ZMIZ1: variants seen among roughly 807,000 people sequenced by gnomAD.
ZMIZ1 encodes the protein zinc finger MIZ-type containing 1, also known as zinc finger MIZ domain-containing protein 1.
A neutral mutation model predicts 113.9 loss-of-function variants in ZMIZ1; 17 were observed. The ratio of observed to expected loss-of-function variants is 0.15; its 90% CI spans 0.10 to 0.22. ZMIZ1 has a LOEUF of 0.22. Among genes scored for constraint, ZMIZ1 ranks in the 10% least tolerant of loss-of-function variants. The probability of loss-of-function intolerance (pLI) is 1.00; values close to 1 mark genes in which losing one functional copy is unlikely to be tolerated. For missense variants in ZMIZ1, 1,059 were observed against 1,477.8 expected (o/e 0.72, Z 4.65); for synonymous variants, 607 against 603.1 (o/e 1.01, Z -0.09).
At chr10:79,108,115 A>G (rs904455523) in intron 1 of ZMIZ1, among the ~76,000 whole-genome samples, 1 of 151,766 alleles carries the variant, frequency 6.6e-6, no homozygotes, top group Non-Finnish European at 1.5e-5. Flanking sequence ...CCACTGGGGC[A>G]CAGGGCCCAG....
intron 6 of ZMIZ1, among the ~76,000 whole-genome samples, chr10:79,210,424 G>A (rs1848485553): frequency 6.6e-6 from 1 of 152,240 alleles, no homozygotes; most frequent in Non-Finnish European, 1.5e-5. Context: ...TCAAGGGGCT[G>A]GCCTGCCAGG....
chr10:79,163,722 T>C (rs1330520344), intron 4 of ZMIZ1, among the ~76,000 whole-genome samples: 2 of 152,220 alleles, frequency 1.3e-5, no homozygotes, highest in African/African-American at 2.4e-5. Context: ...TGGGAGCTGC[T>C]TGGGGAAAGC....
At chr10:79,303,270 A>G (rs1854453081) in intron 18 of ZMIZ1, among the ~76,000 whole-genome samples, 2 of 151,872 alleles carry the variant, frequency 1.3e-5, no homozygotes, top group African/African-American at 2.4e-5. Flanking sequence ...GCCTGGCCGC[A>G]TAGTGAGAGC....
At chr10:79,258,809 G>A (rs1183720928) in intron 7 of ZMIZ1, among the ~76,000 whole-genome samples, 1 of 152,192 alleles carries the variant, frequency 6.6e-6, no homozygotes, top group Non-Finnish European at 1.5e-5. Flanking sequence ...CTGCCCCAGG[G>A]CAGGCACTTT....
At chr10:79,272,117 A>G (rs1381085238) in intron 7 of ZMIZ1, among the ~76,000 whole-genome samples, 1 of 152,014 alleles carries the variant, frequency 6.6e-6, no homozygotes, top group African/African-American at 2.4e-5. Flanking sequence ...AAAAATATAT[A>G]TATATACACA....
At chr10:79,104,950 GGT>G (rs58453718) in intron 1 of ZMIZ1, among the ~76,000 whole-genome samples, 12,702 of 139,966 alleles carry the variant, frequency 0.091, 650 homozygotes, top group African/African-American at 0.16. Context: ...GTTGTTGTGG[GGT>G]GTGTGTGTGT....
intron 1 of ZMIZ1, among the ~76,000 whole-genome samples, chr10:79,083,180 G>T (rs190891483): frequency 2.6e-5 from 4 of 152,378 alleles, no homozygotes; most frequent in Admixed American, 6.5e-5. Context: ...AGGATAAGGT[G>T]ATATAGGGAC....
chr10:79,294,099 G>A lies in ZMIZ1; in HGVS notation c.1230+446G>A, dbSNP rs554615974. On this transcript the variant is annotated intron_variant, in intron 12 of 24. Coordinates refer to ENST00000334512, the MANE Select transcript of ZMIZ1 (RefSeq NM_020338.4). The stretch of plus-strand genomic sequence containing the variant: ...CCAGTCTATAAGGGCTGACCCGTCC[G>A]GGAAGTGACTGGAAGGCAGGCAGCG... 4.8e-5 allele frequency: 10 copies of A among 209,254 alleles called. No homozygotes were observed. In the East Asian group the frequency reaches 7.4e-4, roughly 16 times the overall value. 13.0% of individuals were successfully genotyped at this position (209,254 alleles called of 1,614,324 possible).
chr10:79,137,587 C>T (rs1845060161), intron 2 of ZMIZ1, among the ~76,000 whole-genome samples: 1 of 152,128 alleles, frequency 6.6e-6, no homozygotes, highest in Non-Finnish European at 1.5e-5. Flanking sequence ...CTACAGTGGT[C>T]GTTGAGTGGC....
chr10:79,282,540 A>T (rs1297303489), intron 8 of ZMIZ1, among the ~76,000 whole-genome samples: 1 of 152,176 alleles, frequency 6.6e-6, no homozygotes, highest in African/African-American at 2.4e-5. Flanking sequence ...TGTCACAATC[A>T]TGTCTGCTGC....
chr10:79,207,289 A>G (rs1036580668), intron 5 of ZMIZ1, among the ~76,000 whole-genome samples: 3 of 152,028 alleles, frequency 2.0e-5, no homozygotes, highest in Non-Finnish European at 4.4e-5. Flanking sequence ...AGTGGTTCAC[A>G]CTCCTGTGCT....
At chr10:79,202,950 A>G (rs1443368974) in intron 5 of ZMIZ1, among the ~76,000 whole-genome samples, 1 of 152,174 alleles carries the variant, frequency 6.6e-6, no homozygotes, top group East Asian at 1.9e-4. Flanking sequence ...AATGGGGCCT[A>G]CCTCGTAGGA....
rs138016751 is a variant in ZMIZ1 at position 79,287,122 on chromosome 10, G to A, written c.426-2653G>A. On this transcript the variant is annotated intron_variant, in intron 8 of 24. Transcript: ENST00000334512. ...TCTTTGTTTTGTAAAAGCGTGACCT[G>A]TAGAGCCTCCCTGTGAGACTCTGGT... is the stretch of plus-strand genomic sequence containing the variant. Among the ~76,000 whole-genome samples, 438 of 152,336 alleles carry A rather than the reference G, an allele frequency of 2.9e-3. 1 individual carries two copies. Among genetic ancestry groups the A allele is most frequent in the African/African-American group, 0.01 (426 of 41,572 alleles).
intron 4 of ZMIZ1, among the ~76,000 whole-genome samples, chr10:79,171,853 C>T (rs1846615096): frequency 6.6e-6 from 1 of 152,144 alleles, no homozygotes; most frequent in African/African-American, 2.4e-5. Context: ...TGGCCCTGTC[C>T]TGCGACAGGA....
chr10:79,293,841 C>A, intron 12 of ZMIZ1, 188 bp downstream of exon 12: 1 of 856,468 alleles, frequency 1.2e-6, no homozygotes, highest in Non-Finnish European at 1.8e-6. Context: ...ACTGAAAGAC[C>A]TCGAGCCAGT....
intron 4 of ZMIZ1, among the ~76,000 whole-genome samples, chr10:79,182,909 T>G (rs1847181525): frequency 6.6e-6 from 1 of 152,242 alleles, no homozygotes. Context: ...TGTAGGTGTT[T>G]CAAGGCCCTG....
chr10:79,126,581 G>A (rs1161389054), intron 2 of ZMIZ1, among the ~76,000 whole-genome samples: 1 of 152,228 alleles, frequency 6.6e-6, no homozygotes, highest in Non-Finnish European at 1.5e-5. Context: ...TGGGGGCTTT[G>A]TGGAGGCTAG....
chr10:79,277,445 A>C (rs1382735441), intron 8 of ZMIZ1, 120 bp downstream of exon 8: 2 of 1,302,298 alleles, frequency 1.5e-6, no homozygotes, highest in African/African-American at 3.1e-5. Context: ...TGCATTTTCT[A>C]AGGTGCAGTT....
intron 7 of ZMIZ1, among the ~76,000 whole-genome samples, chr10:79,241,692 C>T (rs1589468680): frequency 6.6e-6 from 1 of 152,152 alleles, no homozygotes; most frequent in South Asian, 2.1e-4. Context: ...GGATTAGAGC[C>T]TGCTAACGAT....
Sources: allele counts gnomAD v4.1 joint callset (sites outside exome capture counted in the v4.1 genomes callset), GRCh38; gene constraint gnomAD v4.1.1; transcripts MANE v1.5; gene names NCBI Gene and HGNC (gene_info 2026-07-23, HGNC 2026-07-21).